Variants in CAP1 observed in about 807,000 individuals in gnomAD.
CAP1 encodes the protein adenylyl cyclase-associated protein 1.
A neutral mutation model predicts 58.2 loss-of-function variants in CAP1; 11 were observed. The ratio of observed to expected loss-of-function variants is 0.19; its 90% CI spans 0.12 to 0.31. The LOEUF (loss-of-function observed/expected upper bound fraction) is 0.31, where lower values mean the gene tolerates loss of function less well. Among genes scored for constraint, CAP1 ranks in the 10% least tolerant of loss-of-function variants. The pLI, the probability that CAP1 is intolerant of heterozygous loss-of-function variation, is 1.00. For missense variants in CAP1, 423 were observed against 587.5 expected (o/e 0.72, Z 2.89); for synonymous variants, 183 against 213.8 (o/e 0.86, Z 1.26).
At chr1:40,056,248 A>C (rs1018071475) in intron 1 of CAP1, among the ~76,000 whole-genome samples, 2 of 151,266 alleles carry the variant, frequency 1.3e-5, no homozygotes, top group African/African-American at 4.9e-5. Context: ...GCTTTTGGAC[A>C]TTTCAGGTTG....
chr1:40,053,372 G>T (rs1646467021), intron 1 of CAP1, among the ~76,000 whole-genome samples: 1 of 152,184 alleles, frequency 6.6e-6, no homozygotes, highest in Admixed American at 6.5e-5. Context: ...TTGTGGAGTA[G>T]CAAGAAGAGC....
intron 1 of CAP1, among the ~76,000 whole-genome samples, chr1:40,051,860 C>CG (rs1298482319): frequency 2.0e-5 from 3 of 152,110 alleles, no homozygotes; most frequent in Admixed American, 1.3e-4. Flanking sequence ...TGAGCCACCG[C>CG]GCCCAGCCTG....
At chr1:40,043,408 G>T (rs545005039) in intron 1 of CAP1, among the ~76,000 whole-genome samples, 2 of 149,318 alleles carry the variant, frequency 1.3e-5, no homozygotes, top group Admixed American at 6.7e-5. Flanking sequence ...ATGCTGGCCA[G>T]GCTGGTTTCG....
At position 40,066,279 on chromosome 1, in the gene CAP1, A is replaced by C; in HGVS notation, c.589A>C (p.Ile197Leu). 6.2e-7 allele frequency: 1 copy of C among 1,612,044 alleles called. No individual in the cohort carries two copies. Among genetic ancestry groups the C allele is most frequent in the South Asian group, 1.1e-5 (1 of 91,028 alleles). The change falls in exon 7 of 13, where the codon ATT (isoleucine) becomes CTT (leucine). Residue 197 changes from isoleucine (I) to leucine (L), a missense_variant. Physicochemically the swap from Ile to Leu is conservative, Grantham distance 5. Coordinates refer to ENST00000372805, the MANE Select transcript of CAP1 (RefSeq NM_006367.4). ...LSIWTELQAY[I>L]KEFHTTGLAW... is the part of the protein sequence containing the mutation. ...TATATGGACAGAGCTGCAGGCTTAC[A>C]TTAAGGAGTTCCATACCACCGGACT...
At chr1:40,065,005 T>C (rs1472824591) in intron 6 of CAP1, among the ~76,000 whole-genome samples, 1 of 152,228 alleles carries the variant, frequency 6.6e-6, no homozygotes, top group Non-Finnish European at 1.5e-5. Flanking sequence ...ACAGATATTG[T>C]CTCACAGCTG....
intron 9 of CAP1, 104 bp from the exon 10 acceptor site, chr1:40,070,055 A>C: frequency 6.6e-7 from 1 of 1,521,794 alleles, no homozygotes; most frequent in African/African-American, 1.4e-5. Context: ...AGATGAGGGC[A>C]GAGTTCTGGC....
chr1:40,048,925 T>C (rs1646230774), intron 1 of CAP1, among the ~76,000 whole-genome samples: 1 of 152,186 alleles, frequency 6.6e-6, no homozygotes. Flanking sequence ...TTTTCAATTT[T>C]ACCTAAGGAT....
chr1:40,047,409 T>C (rs554483146), intron 1 of CAP1, among the ~76,000 whole-genome samples: 1 of 152,348 alleles, frequency 6.6e-6, no homozygotes, highest in East Asian at 1.9e-4. Context: ...ATAGTTGAAA[T>C]GTTTAATGGA....
chr1:40,070,798 C>T (rs767525278), intron 11 of CAP1, 38 bp from the exon 12 acceptor site: 1 of 1,573,806 alleles, frequency 6.4e-7, no homozygotes, highest in Non-Finnish European at 8.6e-7. Flanking sequence ...TTGTCCTTCC[C>T]AACCACTGGG....
upstream of CAP1, chr1:40,040,275 C>T (rs902441581): frequency 6.6e-6 from 1 of 152,130 alleles, no homozygotes; most frequent in Non-Finnish European, 1.5e-5. Context: ...GACGGCCGCC[C>T]GGATTCCCGC....
chr1:40,068,425 C>G (rs931808166), intron 8 of CAP1, among the ~76,000 whole-genome samples: 1 of 151,790 alleles, frequency 6.6e-6, no homozygotes, highest in Non-Finnish European at 1.5e-5. Flanking sequence ...CATGCGTCAC[C>G]ATGCCTGGCT....
chr1:40,069,838 A>G lies in CAP1; in HGVS notation c.957A>G (p.Pro319=). ...CCAAACGAGCCACAAAGAAGGAGCCAGCTGTACTTGAACTGGAGGGCAAGA... is the reference window on the plus strand; with the variant it reads ...CCAAACGAGCCACAAAGAAGGAGCCGGCTGTACTTGAACTGGAGGGCAAGA... ...PSPKRATKKE[P]AVLELEGKKW... Residue 319 remains proline, a synonymous_variant, in exon 9 of 13, where the codon CCA becomes CCG. Transcript: ENST00000372805. 1 of 1,597,680 alleles carries G rather than the reference A, an allele frequency of 6.3e-7. No homozygotes were observed.
rs149843285 is a variant in CAP1 at position 40,048,162 on chromosome 1, G to A, written c.-11+7361G>A. ...GCCTCCTGAGTAGCTGGGATTACAG[G>A]CATGAGCCATTGCACCCACCCACCA... On this transcript the variant is annotated intron_variant, in intron 1 of 12. Transcript: ENST00000372805. Among the ~76,000 whole-genome samples the A allele has an allele frequency of 1.2e-4, 19 of 152,252 alleles. No homozygotes were observed. In the East Asian group the frequency reaches 3.5e-3, roughly 28 times the overall value.
intron 9 of CAP1, 28 bp downstream of exon 9, chr1:40,069,902 A>G: frequency 6.6e-7 from 1 of 1,516,356 alleles, no homozygotes; most frequent in South Asian, 1.3e-5. Context: ...AGACAGGGGC[A>G]GGTATTTTTA....
intron 1 of CAP1, among the ~76,000 whole-genome samples, chr1:40,044,614 C>G (rs1332439976): frequency 6.6e-6 from 1 of 151,968 alleles, no homozygotes; most frequent in African/African-American, 2.4e-5. Context: ...TTACAGAATT[C>G]TCTACAGTTT....
rs1436835947 is a variant in CAP1 at position 40,072,527 on chromosome 1, C to T, written c.*994C>T. The T allele has an allele frequency of 6.4e-6, 1 of 155,226 alleles. No individual in the cohort carries two copies. The highest frequency in any genetic ancestry group is 1.4e-5 in the Non-Finnish European group (1 of 70,094). The allele number at this position is 155,226 out of a possible 1,614,324, so 9.6% of individuals were successfully genotyped here. A position where few individuals can be genotyped will look rare whatever the true frequency, so the allele number is the denominator to read the frequency against. On this transcript the variant is annotated 3_prime_UTR_variant, in exon 13 of 13. Coordinates refer to ENST00000372805, the MANE Select transcript of CAP1 (RefSeq NM_006367.4). ...GACAAACACTTACCAAAATATGCAA[C>T]TTTTTTTTGGTGGGAAGAGAGATTG...
rs887170194 is a variant in CAP1 at position 40,040,767 on chromosome 1, C to G, written c.-45C>G. On this transcript the variant is annotated 5_prime_UTR_variant, in exon 1 of 13. Transcript: ENST00000372805. ...GGTTCTTGCCGGAAGCGGAGAGCGG[C>G]TGATCGCAGTCCGGAGGTGAGGCGG... 6.5e-6 allele frequency: 1 copy of G among 153,038 alleles called. No individual in the cohort carries two copies. The highest frequency in any genetic ancestry group is 1.9e-4 in the East Asian group (1 of 5,218). 9.5% of individuals were successfully genotyped at this position (153,038 alleles called of 1,614,324 possible). A position where few individuals can be genotyped will look rare whatever the true frequency, so the allele number is the denominator to read the frequency against.
intron 5 of CAP1, 40 bp downstream of exon 5, chr1:40,064,410 T>G (rs1646987420): frequency 6.2e-7 from 1 of 1,613,660 alleles, no homozygotes; most frequent in Non-Finnish European, 8.5e-7. Flanking sequence ...TGGGTATAGA[T>G]TTTAAGAGGG....
rs768439097 is a variant in CAP1 at position 40,070,146 on chromosome 1, C to T, written c.994-13C>T. ...TGCTTTGTGATGAGAATCCTGGGAT[C>T]TCTCTCTAACAGGAAAATCAGGAAA... On this transcript the variant is annotated splice_polypyrimidine_tract_variant and intron_variant, in intron 9 of 12. Coordinates refer to ENST00000372805, the MANE Select transcript of CAP1 (RefSeq NM_006367.4). The T allele has an allele frequency of 1.2e-6, 2 of 1,613,438 alleles. No homozygotes were observed. The highest frequency in any genetic ancestry group is 2.7e-5 in the African/African-American group (2 of 74,880).
Sources: gnomAD v4.1 joint callset for allele counts (sites outside exome capture counted in the v4.1 genomes callset) on GRCh38, gnomAD v4.1.1 for gene constraint, MANE v1.5 for transcripts, NCBI Gene and HGNC (gene_info 2026-07-23, HGNC 2026-07-21) for gene names.